RBPMS: variants seen among roughly 807,000 people sequenced by gnomAD.
The protein encoded by RBPMS is RNA-binding protein with multiple splicing.
Under a neutral mutation model 26.8 loss-of-function variants are expected in RBPMS, and 7 were observed. The observed-to-expected ratio is 0.26, with a 90% CI of 0.15 to 0.49. The LOEUF is 0.49. RBPMS is among the 20% of genes least tolerant of loss of function. RBPMS has a pLI of 0.98. For missense variants in RBPMS, 186 were observed against 250.0 expected, an observed-to-expected ratio of 0.74 and a Z score of 1.73; for synonymous variants, 96 against 93.3, an observed-to-expected ratio of 1.03 and a Z score of -0.17.
At chr8:30,431,969 A>G (rs1293338655) in intron 1 of RBPMS, among the ~76,000 whole-genome samples, 1 of 151,852 alleles carries the variant, frequency 6.6e-6, no homozygotes, top group African/African-American at 2.4e-5. Flanking sequence ...AAAACATTAA[A>G]AAAAAAATGT....
At chr8:30,473,016 G>A (rs554801585) in intron 1 of RBPMS, among the ~76,000 whole-genome samples, 1 of 152,244 alleles carries the variant, frequency 6.6e-6, no homozygotes, top group African/African-American at 2.4e-5. Context: ...GTTAACAATT[G>A]AACAATTGAG....
chr8:30,495,185 A>G lies in RBPMS; in HGVS notation c.247-9101A>G, dbSNP rs548338454. ...CCTGTGGAAACATTCTAGACTAGAC[A>G]TGGAAACATATTCCTGTCTGTTACT... is the stretch of plus-strand genomic sequence containing the variant. On this transcript the variant is annotated intron_variant, in intron 4 of 8. Coordinates refer to ENST00000397323, the MANE Select transcript of RBPMS (RefSeq NM_001008710.3). Among the ~76,000 whole-genome samples, 4 of 152,316 alleles carry G rather than the reference A, an allele frequency of 2.6e-5. No individual in the cohort carries two copies. The East Asian group carries it at 5.8e-4, about 22-fold the overall frequency.
chr8:30,448,089 A>G (rs1814094428), intron 1 of RBPMS, among the ~76,000 whole-genome samples: 2 of 152,240 alleles, frequency 1.3e-5, no homozygotes, highest in African/African-American at 4.8e-5. Context: ...CAAATAAACA[A>G]AAATTATTAG....
Position 30,533,998 on chromosome 8 carries a change from G to A in RBPMS, c.398-10496G>A, listed in dbSNP as rs193125008. ...AAATATAAAAAATTAGCTGGGTGTG[G>A]TGGTGGGCGCCTGTAATCCCAGCTA... is the stretch of plus-strand genomic sequence containing the variant. On this transcript the variant is annotated intron_variant, in intron 5 of 8. Coordinates refer to ENST00000397323, the MANE Select transcript of RBPMS (RefSeq NM_001008710.3). Among the ~76,000 whole-genome samples, 3 of 152,204 alleles carry A rather than the reference G, an allele frequency of 2.0e-5. No homozygotes were observed. In the East Asian group the frequency reaches 5.8e-4, roughly 29 times the overall value.
chr8:30,515,588 A>G (rs1171501745), intron 5 of RBPMS, among the ~76,000 whole-genome samples: 1 of 152,132 alleles, frequency 6.6e-6, no homozygotes, highest in Non-Finnish European at 1.5e-5. Flanking sequence ...ATGTAGATCT[A>G]AAGTTTTATC....
At chr8:30,446,796 TGTGTGTGTG>T (rs1444594018) in intron 1 of RBPMS, 10 of 39,092 alleles carry the variant, frequency 2.6e-4, no homozygotes, top group Non-Finnish European at 5.7e-4. Context: ...ACACATGGCT[TGTGTGTGTG>T]TGTGTGTGTG....
At chr8:30,471,089 G>A (rs1305809338) in intron 1 of RBPMS, among the ~76,000 whole-genome samples, 1 of 152,046 alleles carries the variant, frequency 6.6e-6, no homozygotes, top group Admixed American at 6.6e-5. Flanking sequence ...TTAGAAAGAT[G>A]GAAAATACAA....
chr8:30,476,760 C>T (rs979049475), intron 2 of RBPMS, among the ~76,000 whole-genome samples: 3 of 152,054 alleles, frequency 2.0e-5, no homozygotes, highest in African/African-American at 7.2e-5. Flanking sequence ...CTGTGTCGTC[C>T]GTTAATGCAA....
intron 1 of RBPMS, among the ~76,000 whole-genome samples, chr8:30,410,184 A>ACACG (rs879318687): frequency 6.9e-6 from 1 of 145,782 alleles, no homozygotes; most frequent in Non-Finnish European, 1.5e-5. Context: ...ACACACACAC[A>ACACG]CACACACTTA....
chr8:30,451,182 C>T (rs533571279), intron 1 of RBPMS, among the ~76,000 whole-genome samples: 156 of 152,314 alleles, frequency 1.0e-3, no homozygotes, highest in African/African-American at 3.6e-3. Flanking sequence ...ACACATTTCA[C>T]TGCCCTGGGC....
chr8:30,427,163 C>T (rs373777951), intron 1 of RBPMS, among the ~76,000 whole-genome samples: 17 of 152,272 alleles, frequency 1.1e-4, no homozygotes, highest in African/African-American at 3.9e-4. Context: ...GTGAATTCAG[C>T]TATTGTTCTT....
At chr8:30,416,812 T>G (rs1052359055) in intron 1 of RBPMS, among the ~76,000 whole-genome samples, 4 of 151,682 alleles carry the variant, frequency 2.6e-5, no homozygotes, top group Non-Finnish European at 4.4e-5. Context: ...CTCAGTCGCC[T>G]AGGCTGGACT....
At chr8:30,542,013 G>T (rs557709212) in intron 5 of RBPMS, among the ~76,000 whole-genome samples, 2 of 152,196 alleles carry the variant, frequency 1.3e-5, no homozygotes, top group African/African-American at 2.4e-5. Flanking sequence ...GTCAGACCAC[G>T]TATCTTTTGA....
chr8:30,545,841 C>T (rs1825824399), intron 6 of RBPMS, among the ~76,000 whole-genome samples: 1 of 152,068 alleles, frequency 6.6e-6, no homozygotes, highest in African/African-American at 2.4e-5. Flanking sequence ...GTAATGATTG[C>T]CCTCTATGTT....
intron 1 of RBPMS, chr8:30,453,677 G>A (rs1814872064): frequency 6.6e-6 from 1 of 152,056 alleles, no homozygotes; most frequent in South Asian, 2.1e-4. Context: ...ATTTTTCTCT[G>A]CCTGTGTGAG....
chr8:30,468,609 C>T (rs1297818252), intron 1 of RBPMS, among the ~76,000 whole-genome samples: 3 of 152,030 alleles, frequency 2.0e-5, no homozygotes, highest in Non-Finnish European at 4.4e-5. Context: ...TATGTAAATC[C>T]TTGGATTTGC....
intron 5 of RBPMS, among the ~76,000 whole-genome samples, chr8:30,520,515 C>T (rs529246389): frequency 3.9e-5 from 6 of 152,248 alleles, no homozygotes; most frequent in Non-Finnish European, 8.8e-5. Flanking sequence ...ACCAGGACTG[C>T]CTCAGTGGAC....
intron 6 of RBPMS, chr8:30,556,146 C>A: frequency 1.0e-6 from 1 of 985,396 alleles, no homozygotes; most frequent in Non-Finnish European, 1.2e-6. Flanking sequence ...GCCTGAGACA[C>A]AAGAGCAATG....
chr8:30,486,835 A>G (rs1818846930), intron 4 of RBPMS, among the ~76,000 whole-genome samples: 1 of 152,214 alleles, frequency 6.6e-6, no homozygotes, highest in African/African-American at 2.4e-5. Flanking sequence ...CATTTCCATC[A>G]GATAATTACA....
Sources: allele counts gnomAD v4.1 joint callset (sites outside exome capture counted in the v4.1 genomes callset), GRCh38; gene constraint gnomAD v4.1.1; transcripts MANE v1.5; gene names NCBI Gene and HGNC (gene_info 2026-07-23, HGNC 2026-07-21).